The following CD22 variants were observed in gnomAD, a reference collection of about 807,000 sequenced individuals.
CD22 encodes B-cell receptor CD22.
A neutral mutation model predicts 94.7 loss-of-function variants in CD22; 51 were observed. The ratio of observed to expected loss-of-function variants is 0.54; its 90% CI spans 0.43 to 0.68. The LOEUF is 0.68. CD22 is among the 30% of genes least tolerant of loss of function. The probability of loss-of-function intolerance (pLI) is 0.00; values close to 1 mark genes in which losing one functional copy is unlikely to be tolerated. For synonymous variants in CD22, 424 were observed against 422.5 expected (o/e 1.00, Z -0.04); for missense variants, 931 against 1,060.4 (o/e 0.88, Z 1.69).
Position 35,340,933 on chromosome 19 carries a change from A to G in CD22, c.1302A>G (p.Glu434=). 2 of 1,614,232 alleles carry G rather than the reference A, an allele frequency of 1.2e-6. No individual in the cohort carries two copies. Among genetic ancestry groups the G allele is most frequent in the South Asian group, 1.1e-5 (1 of 91,086 alleles). ...TVIQNPMPIR[E]GDTVTLSCNY... ...TTCAAAACCCCATGCCGATTCGAGA[A>G]GGAGACACAGTGACCCTTTCCTGTA... is the stretch of plus-strand genomic sequence containing the variant. Residue 434 remains glutamate (E), a synonymous_variant, in exon 7 of 14, where the codon GAA becomes GAG. Coordinates refer to ENST00000085219, the MANE Select transcript of CD22 (RefSeq NM_001771.4).
chr19:35,341,971 G>A lies in CD22; in HGVS notation c.2035+6G>A. 1 of 1,605,354 alleles carries A rather than the reference G, an allele frequency of 6.2e-7. No individual in the cohort carries two copies. On this transcript the variant is annotated splice_donor_region_variant and intron_variant, in intron 9 of 13. Coordinates refer to ENST00000085219, the MANE Select transcript of CD22 (RefSeq NM_001771.4). This position sits in a 1 kb window ranked among gnomAD's most constrained non-coding sequence, Gnocchi z 4.0. Reference sequence around the variant, plus strand: ...CAGCACCCTCACCGTCTACTGTAAGGCCTCTTCCTGCTCTTGTTCTTCTTG... The same window carrying A: ...CAGCACCCTCACCGTCTACTGTAAGACCTCTTCCTGCTCTTGTTCTTCTTG...
At position 35,337,914 on chromosome 19, in the gene CD22, C is replaced by G. The variant is rs757254943; in HGVS notation, c.878C>G (p.Thr293Arg). Residue 293 changes from threonine to arginine, a missense_variant, in exon 5 of 14, where the codon ACG (threonine) becomes AGG (arginine). By Grantham distance (71) the Thr-to-Arg change is moderately conservative. Transcript: ENST00000085219. The surrounding 1 kb of genome is among the most constrained non-coding windows in gnomAD (Gnocchi z 4.4). ...GTSLKKQNTF[T>R]LNLREVTKDQ... ...TCGCTGAAGAAGCAGAATACATTCA[C>G]GCTAAACCTGCGCGAAGTGACCAAG... 6.2e-7 allele frequency: 1 copy of G among 1,614,090 alleles called. No individual in the cohort carries two copies. Among genetic ancestry groups the G allele is most frequent in the Non-Finnish European group, 8.5e-7 (1 of 1,180,044 alleles).
chr19:35,343,055 T>C (rs62109577), intron 9 of CD22, among the ~76,000 whole-genome samples: 2,946 of 150,824 alleles, frequency 0.02, 41 homozygotes, highest in Non-Finnish European at 0.03. Flanking sequence ...GCCTCGGCCT[T>C]CCAAAGTGCT....
At position 35,345,129 on chromosome 19, in the gene CD22, A is replaced by G. The variant is rs1282138694; in HGVS notation, c.2208+3A>G. On this transcript the variant is annotated splice_donor_region_variant and intron_variant, in intron 11 of 13. Transcript: ENST00000085219. The stretch of plus-strand genomic sequence containing the variant: ...GCTTCTTTGTGAGGAATAAAAAGGT[A>G]GGATGGGGCTGGGCACGATGGCTCA... The G allele has an allele frequency of 1.2e-6, 2 of 1,613,914 alleles. No individual in the cohort carries two copies. The highest frequency in any genetic ancestry group is 8.5e-7 in the Non-Finnish European group (1 of 1,179,850).
chr19:35,341,084 G>C lies in CD22; in HGVS notation c.1453G>C (p.Ala485Pro). 1 of 1,614,148 alleles carries C rather than the reference G, an allele frequency of 6.2e-7. No individual in the cohort carries two copies. The highest frequency in any genetic ancestry group is 8.5e-7 in the Non-Finnish European group (1 of 1,180,028). ...VGWDNTTIAC[A>P]ACNSWCSWAS... ...CTGGGACAACACAACCATCGCCTGC[G>C]CAGCTTGTAATAGTTGGTGCTCGTG... Residue 485 changes from alanine (A) to proline (P), a missense_variant, in exon 7 of 14, where the codon GCA becomes CCA. By Grantham distance (27) the Ala-to-Pro change is conservative. Coordinates refer to ENST00000085219, the MANE Select transcript of CD22 (RefSeq NM_001771.4). The surrounding 1 kb of genome is among the most constrained non-coding windows in gnomAD (Gnocchi z 4.0).
chr19:35,338,352 C>T lies in CD22; in HGVS notation c.1170C>T (p.His390=), dbSNP rs776075532. 2.9e-5 allele frequency: 47 copies of T among 1,614,062 alleles called. No individual in the cohort carries two copies. Among genetic ancestry groups the T allele is most frequent in the African/African-American group, 5.3e-5 (4 of 74,942 alleles). ...ACATCCCAAAGATCCTCCCCTGGCA[C>T]GCTGGGACTTATTCCTGTGTGGCAG... The part of the protein sequence containing the change: ...KVHIPKILPW[H]AGTYSCVAEN... The change falls in exon 6 of 14, where the codon CAC becomes CAT. Residue 390 remains histidine (H), a synonymous_variant. Coordinates refer to ENST00000085219, the MANE Select transcript of CD22 (RefSeq NM_001771.4).
intron 9 of CD22, 67 bp downstream of exon 9, chr19:35,342,032 TC>T: frequency 8.9e-7 from 1 of 1,120,658 alleles, no homozygotes; most frequent in Admixed American, 2.4e-5. Flanking sequence ...CTTCCTTCCT[TC>T]CTTCCTTCCT....
At chr19:35,331,868 T>C in intron 1 of CD22, 151 bp from the exon 2 acceptor site, 1 of 1,492,094 alleles carries the variant, frequency 6.7e-7, no homozygotes, top group Non-Finnish European at 9.0e-7. Context: ...AAGAACTCCG[T>C]GAGCATCCCA....
intron 9 of CD22, among the ~76,000 whole-genome samples, chr19:35,342,874 G>A (rs1175735247): frequency 6.6e-6 from 1 of 151,666 alleles, no homozygotes; most frequent in Non-Finnish European, 1.5e-5. Context: ...GCAGTGGCGT[G>A]ATCACGGCTC....
At chr19:35,339,161 AG>A (rs1213494829) in intron 6 of CD22, among the ~76,000 whole-genome samples, 2 of 152,096 alleles carry the variant, frequency 1.3e-5, no homozygotes, top group Non-Finnish European at 2.9e-5. Flanking sequence ...ACTTGAGCCC[AG>A]GAAGTGAAGG....
Position 35,347,017 on chromosome 19 carries a change from A to C in CD22, c.*320A>C, listed in dbSNP as rs2066919057. 15 of 237,640 alleles carry C rather than the reference A, an allele frequency of 6.3e-5. No individual in the cohort carries two copies. The highest frequency in any genetic ancestry group is 9.0e-5 in the Non-Finnish European group (11 of 122,892). The allele number at this position is 237,640 out of a possible 1,614,324, so 14.7% of individuals were successfully genotyped here. A position where few individuals can be genotyped will look rare whatever the true frequency, so the allele number is the denominator to read the frequency against. ...CCCACCACGGCCACTGGCCATCTCC[A>C]CCCCCAGCTGCTTGTGTCCCTCCTG... On this transcript the variant is annotated 3_prime_UTR_variant, in exon 14 of 14. Coordinates refer to ENST00000085219, the MANE Select transcript of CD22 (RefSeq NM_001771.4).
At chr19:35,340,050 A>G (rs943587214) in intron 6 of CD22, among the ~76,000 whole-genome samples, 24 of 152,128 alleles carry the variant, frequency 1.6e-4, no homozygotes, top group Non-Finnish European at 2.9e-4. Flanking sequence ...ACAGGACAAA[A>G]AGAACACATA....
rs2066658278 is a variant in CD22 at position 35,332,437 on chromosome 19, C to A, written c.35-110C>A. On this transcript the variant is annotated intron_variant, in intron 2 of 13. Coordinates refer to ENST00000085219, the MANE Select transcript of CD22 (RefSeq NM_001771.4). Reference sequence around the variant, plus strand: ...GGCCAGCTTGGACAACATAGCAAGACCCCTATCTCTAAAAAGAATAAAAAA... The same window carrying A: ...GGCCAGCTTGGACAACATAGCAAGAACCCTATCTCTAAAAAGAATAAAAAA... 2.6e-6 allele frequency: 3 copies of A among 1,152,444 alleles called. No homozygotes were observed. The East Asian group carries it at 7.9e-5, about 31-fold the overall frequency. The allele number at this position is 1,152,444 out of a possible 1,614,324, so 71.4% of individuals were successfully genotyped here.
At position 35,345,685 on chromosome 19, in the gene CD22, C is replaced by T. The variant is rs747000222; in HGVS notation, c.2292C>T (p.Thr764=). ...PMMEDGISYT[T]LRFPEMNIPR... ...TGGAAGATGGCATTAGCTACACCAC[C>T]CTGCGCTTTCCCGAGATGAACATAC... Residue 764 remains threonine (T), a synonymous_variant, in exon 12 of 14, where the codon ACC becomes ACT. Coordinates refer to ENST00000085219, the MANE Select transcript of CD22 (RefSeq NM_001771.4). The T allele has an allele frequency of 6.2e-7, 1 of 1,613,620 alleles. No homozygotes were observed. Among genetic ancestry groups the T allele is most frequent in the Non-Finnish European group, 8.5e-7 (1 of 1,179,552 alleles).
chr19:35,336,222 C>A lies in CD22; in HGVS notation c.599C>A (p.Thr200Asn), dbSNP rs1331472831. 1 of 1,614,230 alleles carries A rather than the reference C, an allele frequency of 6.2e-7. No individual in the cohort carries two copies. Residue 200 changes from threonine (T) to asparagine (N), a missense_variant, in exon 4 of 14, where the codon ACC (threonine) becomes AAC (asparagine). By Grantham distance (65) the Thr-to-Asn change is moderately conservative (BLOSUM62 0). Transcript: ENST00000085219. ...TCCTTGACCATCAAGTCTGTCTTCA[C>A]CCGGAGCGAGCTCAAGTTCTCCCCA... ...STSLTIKSVFTRSELKFSPQW... is the reference protein window; with the variant it reads ...STSLTIKSVFNRSELKFSPQW...
rs2145658972 is a variant in CD22, at chr19:35,337,042, A to T, written c.718+701A>T. On this transcript the variant is annotated intron_variant, in intron 4 of 13. Coordinates refer to ENST00000085219, the MANE Select transcript of CD22 (RefSeq NM_001771.4). This position sits in a 1 kb window ranked among gnomAD's most constrained non-coding sequence, Gnocchi z 4.4. Reference sequence around the variant, plus strand: ...ATCACAAGGTCAGGAGATCGAGACCATCCTGGCTAACATGGTGAAACCCCA... The same window carrying T: ...ATCACAAGGTCAGGAGATCGAGACCTTCCTGGCTAACATGGTGAAACCCCA... Among the ~76,000 whole-genome samples, 1 of 152,216 alleles carries T rather than the reference A, an allele frequency of 6.6e-6. No individual in the cohort carries two copies. The highest frequency in any genetic ancestry group is 2.4e-5 in the African/African-American group (1 of 41,526).
At chr19:35,333,112 C>T in intron 3 of CD22, 188 bp downstream of exon 3, 1 of 578,934 alleles carries the variant, frequency 1.7e-6, no homozygotes, top group Non-Finnish European at 3.0e-6. Flanking sequence ...TCCCATCTGA[C>T]CCTCAGTTCC....
chr19:35,336,247 A>G lies in CD22; in HGVS notation c.624A>G (p.Pro208=), dbSNP rs982229364. Residue 208 remains proline, a synonymous_variant, in exon 4 of 14, where the codon CCA becomes CCG. Coordinates refer to ENST00000085219, the MANE Select transcript of CD22 (RefSeq NM_001771.4). ...CCCGGAGCGAGCTCAAGTTCTCCCC[A>G]CAGTGGAGTCACCATGGGAAGATTG... ...VFTRSELKFS[P]QWSHHGKIVT... The G allele has an allele frequency of 8.1e-6, 13 of 1,614,074 alleles. No homozygotes were observed. Among genetic ancestry groups the G allele is most frequent in the Admixed American group, 1.7e-5 (1 of 60,010 alleles).
chr19:35,341,747 T>A lies in CD22; in HGVS notation c.1817T>A (p.Val606Glu), dbSNP rs1302423633. Residue 606 changes from valine (V) to glutamate (E), a missense_variant, in exon 9 of 14, where the codon GTG (valine) becomes GAG (glutamate). Val to Glu is a moderately radical substitution (Grantham distance 121). Transcript: ENST00000085219. The surrounding 1 kb of genome is among the most constrained non-coding windows in gnomAD (Gnocchi z 4.0). ...GTGTCCATGAGCCCGGGGGACCAAG[T>A]GATGGAGGGGAAGAGTGCAACCCTG... ...LRVSMSPGDQ[V>E]MEGKSATLTC... 1 of 1,611,518 alleles carries A rather than the reference T, an allele frequency of 6.2e-7. No homozygotes were observed. The highest frequency in any genetic ancestry group is 1.7e-5 in the Admixed American group (1 of 60,006).
Sources: allele counts gnomAD v4.1 joint callset (sites outside exome capture counted in the v4.1 genomes callset), GRCh38; gene constraint gnomAD v4.1.1; non-coding constraint Gnocchi (gnomAD v3.1); transcripts MANE v1.5; gene names NCBI Gene and HGNC (gene_info 2026-07-23, HGNC 2026-07-21).